Variants in LIN9 observed in about 807,000 individuals in gnomAD.
LIN9 encodes the protein lin-9 DREAM MuvB core complex component, also known as protein lin-9 homolog.
Under a neutral mutation model 78.0 loss-of-function variants are expected in LIN9, and 18 were observed. The observed-to-expected ratio is 0.23, with a 90% CI of 0.16 to 0.34. The LOEUF is 0.34. LIN9 is among the 10% of genes least tolerant of loss of function. The probability of loss-of-function intolerance (pLI) is 1.00; values close to 1 mark genes in which losing one functional copy is unlikely to be tolerated. For missense variants in LIN9, 451 were observed against 644.1 expected, an observed-to-expected ratio of 0.70 and a Z score of 3.25; for synonymous variants, 192 against 215.2, an observed-to-expected ratio of 0.89 and a Z score of 0.94.
Position 226,232,204 on chromosome 1 carries a change from T to C in LIN9, c.*297A>G, listed in dbSNP as rs1012361789. 5 of 400,782 alleles carry C rather than the reference T, an allele frequency of 1.2e-5. No homozygotes were observed. The highest frequency in any genetic ancestry group is 1.3e-5 in the Non-Finnish European group (3 of 227,380). 24.8% of individuals were successfully genotyped at this position (400,782 alleles called of 1,614,324 possible). On this transcript the variant is annotated 3_prime_UTR_variant, in exon 15 of 15. Transcript: ENST00000681046. The stretch of plus-strand genomic sequence containing the variant: ...CATGCACATTAAAAAAAATGGTCAA[T>C]GTATTCTTCCACGAAATTATATTAT...
intron 2 of LIN9, among the ~76,000 whole-genome samples, chr1:226,300,030 C>T (rs1662424731): frequency 6.6e-6 from 1 of 151,806 alleles, no homozygotes; most frequent in South Asian, 2.1e-4. Context: ...TCTCTGCCTC[C>T]CAGGTTCAAA....
chr1:226,307,530 G>A (rs1407691697), intron 1 of LIN9, among the ~76,000 whole-genome samples: 1 of 152,214 alleles, frequency 6.6e-6, no homozygotes, highest in African/African-American at 2.4e-5. Flanking sequence ...CAGCTATTCG[G>A]GAGGCTGAGG....
Position 226,265,674 on chromosome 1 carries a change from CA to C in LIN9, c.937-41del, listed in dbSNP as rs753220995. Reference sequence around the variant, plus strand: ...AGGAATTATTTAATCATTGACTATTCAGAGGAAGTATCTTATTTTTTTATTT... The same window carrying C: ...AGGAATTATTTAATCATTGACTATTCGAGGAAGTATCTTATTTTTTTATTT... On this transcript the variant is annotated intron_variant, in intron 9 of 14. Transcript: ENST00000681046. The surrounding 1 kb of genome is among the most constrained non-coding windows in gnomAD (Gnocchi z 4.1). 8.7e-5 allele frequency: 91 copies of C among 1,049,570 alleles called. No homozygotes were observed. Among genetic ancestry groups the C allele is most frequent in the Non-Finnish European group, 1.2e-4 (85 of 688,908 alleles). The allele number at this position is 1,049,570 out of a possible 1,614,324, so 65.0% of individuals were successfully genotyped here.
Position 226,296,071 on chromosome 1 carries a change from T to C in LIN9, c.160-125A>G, listed in dbSNP as rs1662130802. 1.7e-5 allele frequency: 10 copies of C among 601,732 alleles called. No individual in the cohort carries two copies. In the South Asian group the frequency reaches 2.0e-4, roughly 12 times the overall value. The allele number at this position is 601,732 out of a possible 1,614,324, so 37.3% of individuals were successfully genotyped here. ...ATCAGCAGTATGGAAGGATAAAGTA[T>C]GGGCAACACAAAGCACACAAAGCCA... On this transcript the variant is annotated intron_variant, in intron 3 of 14. Transcript: ENST00000681046.
At chr1:226,261,397 G>GAA (rs1024747140) in intron 10 of LIN9, among the ~76,000 whole-genome samples, 1 of 137,446 alleles carries the variant, frequency 7.3e-6, no homozygotes. Context: ...AAAGAAATGA[G>GAA]AAAAAAAAAA....
intron 10 of LIN9, among the ~76,000 whole-genome samples, chr1:226,260,864 C>T (rs1418969862): frequency 2.0e-5 from 3 of 151,630 alleles, no homozygotes; most frequent in Non-Finnish European, 4.4e-5. Flanking sequence ...CCAGGATGGT[C>T]TCGATCTCCT....
rs1248422364 is a variant in LIN9 at position 226,231,302 on chromosome 1, C to T, written c.*1199G>A. ...ACAATACCAACAAAGAATACGGAAG[C>T]CTTTTTAAACTATACAAAAATTTCA... On this transcript the variant is annotated 3_prime_UTR_variant, in exon 15 of 15. Transcript: ENST00000681046. 1 of 152,406 alleles carries T rather than the reference C, an allele frequency of 6.6e-6. No individual in the cohort carries two copies. Among genetic ancestry groups the T allele is most frequent in the East Asian group, 1.9e-4 (1 of 5,202 alleles). The allele number at this position is 152,406 out of a possible 1,614,324, so 9.4% of individuals were successfully genotyped here. A position where few individuals can be genotyped will look rare whatever the true frequency, so the allele number is the denominator to read the frequency against.
intron 6 of LIN9, among the ~76,000 whole-genome samples, chr1:226,278,978 A>AAAAC (rs1214347332): frequency 0.013 from 2,017 of 151,386 alleles, 20 homozygotes; most frequent in Non-Finnish European, 0.02. Context: ...AAAAAACCAA[A>AAAAC]AAACAAACAA....
chr1:226,264,559 A>G (rs1363105704), intron 10 of LIN9, among the ~76,000 whole-genome samples: 1 of 152,044 alleles, frequency 6.6e-6, no homozygotes, highest in Non-Finnish European at 1.5e-5. Context: ...TATAAAGATC[A>G]TATCAGCCAG....
chr1:226,264,070 T>C (rs1247178243), intron 10 of LIN9, among the ~76,000 whole-genome samples: 1 of 151,888 alleles, frequency 6.6e-6, no homozygotes, highest in Non-Finnish European at 1.5e-5. Flanking sequence ...AGCAAGACTT[T>C]GTCTCAAACA....
intron 10 of LIN9, among the ~76,000 whole-genome samples, chr1:226,252,882 G>A (rs1337779843): frequency 1.3e-5 from 2 of 151,996 alleles, no homozygotes; most frequent in African/African-American, 2.4e-5. Flanking sequence ...CAGGAGAATC[G>A]CTTGAACCCG....
Position 226,260,628 on chromosome 1 carries a change from G to GTT in LIN9, c.1038+4903_1038+4904dup, listed in dbSNP as rs559460640. On this transcript the variant is annotated intron_variant, in intron 10 of 14. Coordinates refer to ENST00000681046, the MANE Select transcript of LIN9 (RefSeq NM_001366245.2). ...AGAATTTAAGATCACGGCCAAATGA[G>GTT]TTTTTTTTTTTTTTTTTTTTTTTTT... is the stretch of plus-strand genomic sequence containing the variant. Among the ~76,000 whole-genome samples, 219 of 73,362 alleles carry GTT rather than the reference G, an allele frequency of 3.0e-3. 3 individuals carry two copies. The highest frequency in any genetic ancestry group is 8.9e-3 in the East Asian group (21 of 2,370). The allele number at this position is 73,362 out of a possible 152,430, so 48.1% of individuals were successfully genotyped here. A position where few individuals can be genotyped will look rare whatever the true frequency, so the allele number is the denominator to read the frequency against.
At chr1:226,304,459 A>G (rs1662774271) in intron 1 of LIN9, among the ~76,000 whole-genome samples, 1 of 152,228 alleles carries the variant, frequency 6.6e-6, no homozygotes, top group African/African-American at 2.4e-5. Context: ...CCTCACAGGA[A>G]GCTTAAACTC....
chr1:226,242,022 CT>C (rs765669653), intron 11 of LIN9, among the ~76,000 whole-genome samples: 6 of 152,132 alleles, frequency 3.9e-5, no homozygotes, highest in Non-Finnish European at 7.4e-5. Context: ...AAGTCTTTAT[CT>C]TTTTGAGTAT....
intron 11 of LIN9, among the ~76,000 whole-genome samples, chr1:226,239,612 T>C (rs9629826): frequency 0.42 from 64,497 of 152,046 alleles, 13,897 homozygotes; most frequent in East Asian, 0.48. Flanking sequence ...AATCTCTCTG[T>C]GCCTCATGTT....
In LIN9 at chr1:226,309,083, G is replaced by C. The variant is rs140770680; in HGVS notation, c.31+26C>G. On this transcript the variant is annotated intron_variant, in intron 1 of 14. Coordinates refer to ENST00000681046, the MANE Select transcript of LIN9 (RefSeq NM_001366245.2). ...TGGGCAAGCAGCAGGCGGGAAAAGG[G>C]GGGGGTGCTTTGAGGTGCTACTCAC... is the stretch of plus-strand genomic sequence containing the variant. The C allele has an allele frequency of 1.5e-4, 192 of 1,310,790 alleles. No homozygotes were observed. The Middle Eastern group carries it at 1.8e-3, about 12-fold the overall frequency. The allele number at this position is 1,310,790 out of a possible 1,614,324, so 81.2% of individuals were successfully genotyped here.
intron 13 of LIN9, 29 bp from the exon 14 acceptor site, chr1:226,233,222 T>C (rs367753427): frequency 3.2e-6 from 5 of 1,552,146 alleles, no homozygotes; most frequent in Non-Finnish European, 4.4e-6. Flanking sequence ...CAAAATTTAA[T>C]TGCATTATAG....
chr1:226,309,534 G>A (rs1346036320), upstream of LIN9: 2 of 1,175,410 alleles, frequency 1.7e-6, no homozygotes, highest in Non-Finnish European at 2.2e-6. Flanking sequence ...GTTCCGAGTG[G>A]AGAACGGGAG....
intron 11 of LIN9, among the ~76,000 whole-genome samples, chr1:226,241,145 T>TA (rs1171405989): frequency 3.9e-5 from 6 of 152,220 alleles, no homozygotes; most frequent in Non-Finnish European, 5.9e-5. Flanking sequence ...AGTTTACCAT[T>TA]GGTGCTTCCT....
Sources: gnomAD v4.1 joint callset for allele counts (sites outside exome capture counted in the v4.1 genomes callset) on GRCh38, gnomAD v4.1.1 for gene constraint, Gnocchi (gnomAD v3.1) non-coding constraint, MANE v1.5 for transcripts, NCBI Gene and HGNC (gene_info 2026-07-23, HGNC 2026-07-21) for gene names.